Variants in ABCC10 observed in about 807,000 individuals in gnomAD.
The protein encoded by ABCC10 is ATP-binding cassette sub-family C member 10.
A neutral mutation model predicts 143.2 loss-of-function variants in ABCC10; 110 were observed. The ratio of observed to expected loss-of-function variants is 0.77; its 90% CI spans 0.66 to 0.90. The LOEUF (loss-of-function observed/expected upper bound fraction) is 0.90. Ranked by LOEUF, ABCC10 falls within the 40% of genes least tolerant of loss-of-function variation. The probability of loss-of-function intolerance (pLI) is 0.00; values close to 1 mark genes in which losing one functional copy is unlikely to be tolerated. For synonymous variants in ABCC10, 805 were observed against 846.7 expected, an observed-to-expected ratio of 0.95 and a Z score of 0.85; for missense variants, 1,700 against 1,900.5, an observed-to-expected ratio of 0.89 and a Z score of 1.96.
chr6:43,450,558 C>A (rs1487293533), downstream of ABCC10: 3 of 1,566,492 alleles, frequency 1.9e-6, no homozygotes, highest in South Asian at 2.4e-5. This position sits in a 1 kb window ranked among gnomAD's most constrained non-coding sequence, Gnocchi z 4.5. Flanking sequence ...TGTGGTCTTT[C>A]CAGGCTCAGG....
chr6:43,432,291 C>T lies in ABCC10; in HGVS notation c.311C>T (p.Ala104Val), dbSNP rs746827010. The T allele has an allele frequency of 6.2e-7, 1 of 1,614,094 alleles. No homozygotes were observed. The change falls in exon 3 of 22, where the codon GCA becomes GTA. Residue 104 changes from alanine (A) to valine (V), a missense_variant. Coordinates refer to ENST00000372530, the MANE Select transcript of ABCC10 (RefSeq NM_001198934.2). ...GPGPIGLEVLAGCVAAVAWIS... is the reference protein window; with the variant it reads ...GPGPIGLEVLVGCVAAVAWIS... ...GGACCCATAGGGCTAGAGGTGTTGG[C>T]AGGGTGCGTGGCAGCTGTGGCCTGG...
chr6:43,447,293 T>G lies in ABCC10; in HGVS notation c.3590T>G (p.Leu1197Arg). The G allele has an allele frequency of 6.2e-7, 1 of 1,613,804 alleles. No individual in the cohort carries two copies. Among genetic ancestry groups the G allele is most frequent in the Non-Finnish European group, 8.5e-7 (1 of 1,180,004 alleles). The change falls in exon 17 of 22, where the codon CTG becomes CGG. Residue 1197 changes from leucine (L) to arginine (R), a missense_variant. By Grantham distance (102) the Leu-to-Arg change is moderately radical. Transcript: ENST00000372530. ...SLSYALSLTGLLSGLVSSFTQ... is the reference protein window; with the variant it reads ...SLSYALSLTGRLSGLVSSFTQ... ...TCTTATGCCCTGTCCCTGACGGGCC[T>G]GCTCTCGGGCCTGGTGAGCAGCTTC...
At position 43,435,799 on chromosome 6, in the gene ABCC10, A is replaced by G. The variant is rs1273172131; in HGVS notation, c.1657A>G (p.Asn553Asp). The G allele has an allele frequency of 1.9e-6, 3 of 1,614,086 alleles. No individual in the cohort carries two copies. The highest frequency in any genetic ancestry group is 2.5e-6 in the Non-Finnish European group (3 of 1,179,996). The part of the protein sequence containing the change: ...LVRMLILPLN[N>D]FPWVINGLLE... Reference sequence around the variant, plus strand: ...GCGAATGCTCATTCTTCCTCTCAACAACTTCCCTTGGGTGATCAATGGTCT... The same window carrying G: ...GCGAATGCTCATTCTTCCTCTCAACGACTTCCCTTGGGTGATCAATGGTCT... Residue 553 changes from asparagine (N) to aspartate (D), a missense_variant, in exon 5 of 22, where the codon AAC becomes GAC. By Grantham distance (23) the Asn-to-Asp change is conservative. Transcript: ENST00000372530.
In ABCC10 at chr6:43,449,800, C is replaced by A. The variant is rs906488669; in HGVS notation, c.4317-129C>A. On this transcript the variant is annotated intron_variant, in intron 21 of 21. Coordinates refer to ENST00000372530, the MANE Select transcript of ABCC10 (RefSeq NM_001198934.2). ...GACTCTGCAGTCCCTTCCCCAGCACCAAGCCAGGGGCTAAAGCCTGTGGGG... is the reference window on the plus strand; with the variant it reads ...GACTCTGCAGTCCCTTCCCCAGCACAAAGCCAGGGGCTAAAGCCTGTGGGG... The A allele has an allele frequency of 2.0e-5, 24 of 1,181,900 alleles. No individual in the cohort carries two copies. In the African/African-American group the frequency reaches 3.5e-4, roughly 17 times the overall value. 73.2% of individuals were successfully genotyped at this position (1,181,900 alleles called of 1,614,324 possible). A position where few individuals can be genotyped will look rare whatever the true frequency, so the allele number is the denominator to read the frequency against.
Position 43,449,548 on chromosome 6 carries a change from TG to T in ABCC10, c.4316+16del, listed in dbSNP as rs751520158. 16 of 1,602,544 alleles carry T rather than the reference TG, an allele frequency of 1.0e-5. No individual in the cohort carries two copies. In the South Asian group the frequency reaches 1.1e-4, roughly 11 times the overall value. On this transcript the variant is annotated intron_variant, in intron 21 of 21. Transcript: ENST00000372530. ...CATTGCCCATAGGTATGTAAACGCC[TG>T]GTAACAGCCTAATCAGGGACTGTGG...
At position 43,437,307 on chromosome 6, in the gene ABCC10, C is replaced by T. The variant is rs571980448; in HGVS notation, c.1876-627C>T. Among the ~76,000 whole-genome samples the T allele has an allele frequency of 9.9e-5, 15 of 151,936 alleles. No homozygotes were observed. In the South Asian group the frequency reaches 2.7e-3, roughly 27 times the overall value. On this transcript the variant is annotated intron_variant, in intron 6 of 21. Transcript: ENST00000372530. ...CCACTTGTAGCTGGGTCAACCCTGG[C>T]TGGCAGGGTTGGGGCATCACAGGCA...
In ABCC10 at chr6:43,434,667, G is replaced by T; in HGVS notation, c.1427G>T (p.Gly476Val). The change falls in exon 4 of 22, where the codon GGG becomes GTG. Residue 476 changes from glycine to valine, a missense_variant. Gly to Val is a moderately radical substitution (Grantham distance 109). Transcript: ENST00000372530. ...LSGIRVIKFC[G>V]WEQALGARVE... ...GGCATTCGGGTCATCAAGTTCTGCG[G>T]GTGGGAGCAGGCACTGGGAGCCCGA... 6.2e-7 allele frequency: 1 copy of T among 1,614,174 alleles called. No individual in the cohort carries two copies. Among genetic ancestry groups the T allele is most frequent in the Non-Finnish European group, 8.5e-7 (1 of 1,180,042 alleles).
At chr6:43,435,061 C>T in intron 4 of ABCC10, 1 of 571,114 alleles carries the variant, frequency 1.8e-6, no homozygotes, top group Non-Finnish European at 3.1e-6. Flanking sequence ...TCTCCTCTAC[C>T]TTTCACTCCA....
rs756105261 is a variant in ABCC10 at position 43,432,589 on chromosome 6, C to T, written c.609C>T (p.Pro203=). Residue 203 remains proline, a synonymous_variant, in exon 3 of 22, where the codon CCC becomes CCT. Coordinates refer to ENST00000372530, the MANE Select transcript of ABCC10 (RefSeq NM_001198934.2). Reference sequence around the variant, plus strand: ...CACGAGAACCCTGGGCTCAGGAGCCCCTCCTGCCCGAGGATCAAGAACCTG... The same window carrying T: ...CACGAGAACCCTGGGCTCAGGAGCCTCTCCTGCCCGAGGATCAAGAACCTG... ...GGPREPWAQE[P]LLPEDQEPEV... 3 of 1,613,698 alleles carry T rather than the reference C, an allele frequency of 1.9e-6. No homozygotes were observed. Among genetic ancestry groups the T allele is most frequent in the Middle Eastern group, 1.6e-4 (1 of 6,084 alleles).
chr6:43,444,504 A>G lies in ABCC10; in HGVS notation c.2689+151A>G, dbSNP rs1260650218. 6.2e-6 allele frequency: 7 copies of G among 1,131,164 alleles called. No individual in the cohort carries two copies. In the East Asian group the frequency reaches 1.6e-4, roughly 25 times the overall value. The allele number at this position is 1,131,164 out of a possible 1,614,324, so 70.1% of individuals were successfully genotyped here. The stretch of plus-strand genomic sequence containing the variant: ...ATACTCCTAATTCTGAGAGATGCCC[A>G]GGGGCCAGAGGCATGTGCTCTATAG... On this transcript the variant is annotated intron_variant, in intron 12 of 21. Transcript: ENST00000372530.
downstream of ABCC10, chr6:43,450,681 C>A (rs919392613): frequency 6.2e-7 from 1 of 1,613,826 alleles, no homozygotes; most frequent in Non-Finnish European, 8.5e-7. The surrounding 1 kb of genome is among the most constrained non-coding windows in gnomAD (Gnocchi z 4.5). Context: ...TCCAGGGGGG[C>A]AGACACCCCG....
intron 13 of ABCC10, 64 bp downstream of exon 13, chr6:43,445,002 G>T (rs952741879): frequency 6.3e-7 from 1 of 1,580,318 alleles, no homozygotes; most frequent in Admixed American, 1.7e-5. Flanking sequence ...AGGGAGTGAG[G>T]GTTGTGGCCG....
At position 43,447,408 on chromosome 6, in the gene ABCC10, G is replaced by A. The variant is rs200295003; in HGVS notation, c.3705G>A (p.Gln1235=). The A allele has an allele frequency of 2.3e-5, 37 of 1,612,842 alleles. No homozygotes were observed. Among genetic ancestry groups the A allele is most frequent in the Non-Finnish European group, 3.0e-5 (35 of 1,179,844 alleles). ...AGGAACCCCAGGGCCAGCCACTGCA[G>A]GTGGGCCTGTACCCCCACCCCAGGC... ...LPQEPQGQPL[Q]LGTGWLTQGG... The change falls in exon 17 of 22, where the codon CAG becomes CAA. Residue 1235 remains glutamine, a splice_region_variant and synonymous_variant. Coordinates refer to ENST00000372530, the MANE Select transcript of ABCC10 (RefSeq NM_001198934.2).
In ABCC10 at chr6:43,446,742, C is replaced by T. The variant is rs1783128755; in HGVS notation, c.3544+296C>T. The T allele has an allele frequency of 1.8e-5, 22 of 1,248,810 alleles. No homozygotes were observed. In the South Asian group the frequency reaches 4.3e-4, roughly 25 times the overall value. 77.4% of individuals were successfully genotyped at this position (1,248,810 alleles called of 1,614,324 possible). A position where few individuals can be genotyped will look rare whatever the true frequency, so the allele number is the denominator to read the frequency against. Reference sequence around the variant, plus strand: ...ACTGCCCCAGCCCGCTTCAGTCTCCCACATGCCGTCCCTCCCAGCTTCTCC... The same window carrying T: ...ACTGCCCCAGCCCGCTTCAGTCTCCTACATGCCGTCCCTCCCAGCTTCTCC... On this transcript the variant is annotated intron_variant, in intron 16 of 21. Coordinates refer to ENST00000372530, the MANE Select transcript of ABCC10 (RefSeq NM_001198934.2).
downstream of ABCC10, chr6:43,451,980 GC>G (rs1783776989): frequency 6.2e-7 from 1 of 1,614,032 alleles, no homozygotes; most frequent in African/African-American, 1.3e-5. This position sits in a 1 kb window ranked among gnomAD's most constrained non-coding sequence, Gnocchi z 4.4. Context: ...TCGCAGTCAC[GC>G]CCATGGAAGC....
chr6:43,447,040 G>T (rs111993105), intron 16 of ABCC10: 1 of 741,014 alleles, frequency 1.3e-6, no homozygotes, highest in East Asian at 3.8e-5. Context: ...TAGAGACAGG[G>T]TTTCACCATG....
chr6:43,446,051 A>G, intron 15 of ABCC10, 109 bp downstream of exon 15: 1 of 1,291,384 alleles, frequency 7.7e-7, no homozygotes. Flanking sequence ...CCTGGGGACA[A>G]GGGATGGGGA....
In ABCC10 at chr6:43,445,325, G is replaced by C. The variant is rs377145898; in HGVS notation, c.3030+11G>C. On this transcript the variant is annotated intron_variant, in intron 14 of 21. Transcript: ENST00000372530. ...CATCGAGTCCTTATGGTGAGGGGCT[G>C]GGACCTCGGGGGTAGGGGAGTGCAG... 8.1e-6 allele frequency: 13 copies of C among 1,609,238 alleles called. No homozygotes were observed. The highest frequency in any genetic ancestry group is 1.0e-5 in the Non-Finnish European group (12 of 1,177,860).
At chr6:43,437,213 A>G (rs1781819115) in intron 6 of ABCC10, among the ~76,000 whole-genome samples, 1 of 152,078 alleles carries the variant, frequency 6.6e-6, no homozygotes, top group South Asian at 2.1e-4. Flanking sequence ...TACAAGTTAC[A>G]GCCAACAAGG....
Sources: allele counts gnomAD v4.1 joint callset (sites outside exome capture counted in the v4.1 genomes callset), GRCh38; gene constraint gnomAD v4.1.1; non-coding constraint Gnocchi (gnomAD v3.1); transcripts MANE v1.5; gene names NCBI Gene and HGNC (gene_info 2026-07-23, HGNC 2026-07-21).